Variants in HLCS observed in about 807,000 individuals in gnomAD.
HLCS encodes the protein biotin--protein ligase.
In HLCS, 53 loss-of-function variants were observed where a neutral mutation model predicts 75.0. That is an observed-to-expected ratio of 0.71 (90% confidence interval 0.57 to 0.89). The LOEUF is 0.89. Among genes scored for constraint, HLCS ranks in the 40% least tolerant of loss-of-function variants. HLCS has a pLI of 0.00. For missense variants in HLCS, 966 were observed against 1,074.0 expected (o/e 0.90, Z 1.41); for synonymous variants, 431 against 428.6 (o/e 1.01, Z -0.07).
At chr21:36,887,569 A>G (rs13047682) in intron 6 of HLCS, among the ~76,000 whole-genome samples, 49,072 of 152,080 alleles carry the variant, frequency 0.32, 8,250 homozygotes, top group Middle Eastern at 0.46. Flanking sequence ...AATTGGAACA[A>G]CAAAAAAAAT....
intron 6 of HLCS, among the ~76,000 whole-genome samples, chr21:36,769,340 C>T (rs1236901801): frequency 6.6e-6 from 1 of 152,130 alleles, no homozygotes; most frequent in Non-Finnish European, 1.5e-5. Context: ...ACTCTGGGGC[C>T]AAACCGCATG....
chr21:36,800,821 C>T (rs1383285217), intron 6 of HLCS, among the ~76,000 whole-genome samples: 5 of 152,148 alleles, frequency 3.3e-5, no homozygotes, highest in African/African-American at 4.8e-5. Flanking sequence ...AACTTCACAA[C>T]GCAAGCCCAG....
Position 36,855,536 on chromosome 21 carries a change from TAAAAAA to T in HLCS, c.1892+41318_1892+41323del, listed in dbSNP as rs71901243. On this transcript the variant is annotated intron_variant, in intron 6 of 10. Transcript: ENST00000674895. Reference sequence around the variant, plus strand: ...CTGGGCAACAGAGCAAGACTCCATCTAAAAAAAAAAAAAAAAAAAAAAAAAAGGTTA... The same window carrying T: ...CTGGGCAACAGAGCAAGACTCCATCTAAAAAAAAAAAAAAAAAAAAGGTTA... Among the ~76,000 whole-genome samples the T allele has an allele frequency of 5.0e-3, 379 of 75,628 alleles. 3 individuals are homozygous for T. Among genetic ancestry groups the T allele is most frequent in the African/African-American group, 0.016 (340 of 21,010 alleles). 49.6% of individuals were successfully genotyped at this position (75,628 alleles called of 152,430 possible).
intron 5 of HLCS, among the ~76,000 whole-genome samples, chr21:36,914,257 G>A (rs190346083): frequency 6.6e-6 from 1 of 152,250 alleles, no homozygotes; most frequent in Admixed American, 6.5e-5. Context: ...GCACAACTCT[G>A]ACTTAGTCCC....
chr21:36,849,973 C>G (rs750897544), intron 6 of HLCS, among the ~76,000 whole-genome samples: 9 of 152,170 alleles, frequency 5.9e-5, no homozygotes, highest in Non-Finnish European at 1.3e-4. Context: ...TTGTACTTAT[C>G]TCATGGTTTA....
intron 6 of HLCS, among the ~76,000 whole-genome samples, chr21:36,840,537 C>T (rs553329723): frequency 6.6e-6 from 1 of 152,066 alleles, no homozygotes; most frequent in South Asian, 2.1e-4. Context: ...AGTGACATAT[C>T]GTCATTATAA....
intron 2 of HLCS, among the ~76,000 whole-genome samples, chr21:36,952,080 T>G (rs185851928): frequency 4.6e-5 from 7 of 152,318 alleles, no homozygotes; most frequent in African/African-American, 9.6e-5. Flanking sequence ...CTTAAAGATG[T>G]GAAAAAATAT....
chr21:36,979,672 T>C (rs1407747758), intron 1 of HLCS, among the ~76,000 whole-genome samples: 2 of 152,114 alleles, frequency 1.3e-5, no homozygotes, highest in Non-Finnish European at 2.9e-5. Context: ...GCCAGCACTT[T>C]GAGAGGCCAA....
At chr21:36,787,578 G>C (rs181463252) in intron 6 of HLCS, among the ~76,000 whole-genome samples, 353 of 152,238 alleles carry the variant, frequency 2.3e-3, no homozygotes, top group African/African-American at 8.0e-3. Context: ...CCTCTCCCCT[G>C]GTTTCTTTTC....
At position 36,936,736 on chromosome 21, in the gene HLCS, G is replaced by C. The variant is rs538157231; in HGVS notation, c.1150C>G (p.Leu384Val). 6.8e-6 allele frequency: 11 copies of C among 1,614,254 alleles called. No homozygotes were observed. In the East Asian group the frequency reaches 2.5e-4, roughly 36 times the overall value. Residue 384 changes from leucine (L) to valine (V), a missense_variant, in exon 4 of 11, where the codon CTT becomes GTT. Coordinates refer to ENST00000674895, the MANE Select transcript of HLCS (RefSeq NM_001352514.2). ...EDLYQKFMAYLSQGGKVLGLS... is the reference protein window; with the variant it reads ...EDLYQKFMAYVSQGGKVLGLS... The stretch of plus-strand genomic sequence containing the variant: ...CCCAACACCTTCCCTCCCTGAGAAA[G>C]ATAGGCCATGAACTTCTGGTACAGG...
chr21:36,944,595 ATTTTGG>A (rs2067297888), intron 2 of HLCS, among the ~76,000 whole-genome samples: 1 of 151,738 alleles, frequency 6.6e-6, no homozygotes. Flanking sequence ...CTTTGTTTTG[ATTTTGG>A]TTTTGGTTTT....
At chr21:36,891,998 C>T (rs35178355) in intron 6 of HLCS, among the ~76,000 whole-genome samples, 4 of 152,108 alleles carry the variant, frequency 2.6e-5, no homozygotes, top group Non-Finnish European at 4.4e-5. Flanking sequence ...AATGGCAGAG[C>T]GCTGAGGCCT....
intron 5 of HLCS, among the ~76,000 whole-genome samples, chr21:36,898,613 G>A (rs1049631039): frequency 6.6e-6 from 1 of 152,006 alleles, no homozygotes; most frequent in Non-Finnish European, 1.5e-5. Context: ...AGATTAGAAG[G>A]GGCTTAAAAG....
At chr21:36,822,737 C>T (rs921519473) in intron 6 of HLCS, among the ~76,000 whole-genome samples, 1 of 152,072 alleles carries the variant, frequency 6.6e-6, no homozygotes. Context: ...TTTACCTCTC[C>T]TAGTATTTCA....
At chr21:36,916,068 C>T (rs1335886403) in intron 5 of HLCS, among the ~76,000 whole-genome samples, 1 of 152,160 alleles carries the variant, frequency 6.6e-6, no homozygotes, top group East Asian at 1.9e-4. Flanking sequence ...TTCAAATCAG[C>T]TTGCATGACA....
chr21:36,848,416 C>T (rs2062872928), intron 6 of HLCS, among the ~76,000 whole-genome samples: 1 of 151,706 alleles, frequency 6.6e-6, no homozygotes, highest in African/African-American at 2.4e-5. Flanking sequence ...ATTACAGGCA[C>T]GCCCCACCAC....
At chr21:36,786,561 G>A (rs1056036241) in intron 6 of HLCS, among the ~76,000 whole-genome samples, 6 of 152,168 alleles carry the variant, frequency 3.9e-5, no homozygotes, top group Admixed American at 2.6e-4. Context: ...GGATTTGGAC[G>A]AGCACAAAAT....
rs747944293 is a variant in HLCS, at chr21:36,938,988, T to C, written c.337A>G (p.Lys113Glu). 2 of 1,606,468 alleles carry C rather than the reference T, an allele frequency of 1.2e-6. No homozygotes were observed. Among genetic ancestry groups the C allele is most frequent in the Admixed American group, 1.7e-5 (1 of 59,892 alleles). Reference sequence around the variant, plus strand: ...AATGGCAAACAACAGTCTGACCACTTGACAATCTGAGAAAAAGCAGGAGAG... The same window carrying C: ...AATGGCAAACAACAGTCTGACCACTCGACAATCTGAGAAAAAGCAGGAGAG... Reference protein sequence around the residue: ...QRSSSSETIVKWSDCCLPLAC... With the variant: ...QRSSSSETIVEWSDCCLPLAC... The change falls in exon 3 of 11, where the codon AAG becomes GAG. Residue 113 changes from lysine (K) to glutamate (E), a missense_variant. By Grantham distance (56) the Lys-to-Glu change is moderately conservative. Transcript: ENST00000674895.
At chr21:36,946,075 T>C in intron 2 of HLCS, 1 of 983,844 alleles carries the variant, frequency 1.0e-6, no homozygotes, top group Non-Finnish European at 1.2e-6. Flanking sequence ...AGGGTGCTCT[T>C]ATGGTTCCAA....
Sources: gnomAD v4.1 joint callset for allele counts (sites outside exome capture counted in the v4.1 genomes callset) on GRCh38, gnomAD v4.1.1 for gene constraint, MANE v1.5 for transcripts, NCBI Gene and HGNC (gene_info 2026-07-23, HGNC 2026-07-21) for gene names.